PROX1: variants seen among roughly 807,000 people sequenced by gnomAD.
The protein encoded by PROX1 is prospero homeobox 1.
Under a neutral mutation model 58.8 loss-of-function variants are expected in PROX1, and 7 were observed. The ratio of observed to expected loss-of-function variants is 0.12; its 90% CI spans 0.07 to 0.22. The LOEUF is 0.22. PROX1 is among the 10% of genes least tolerant of loss of function. PROX1 has a pLI of 1.00. For missense variants in PROX1, 675 were observed against 927.8 expected (o/e 0.73, Z 3.54); for synonymous variants, 350 against 358.3 (o/e 0.98, Z 0.26).
At chr1:213,985,157 A>G (rs1662793947), upstream of PROX1, 1 of 152,224 alleles carries the variant, frequency 6.6e-6, no homozygotes, top group Non-Finnish European at 1.5e-5. Context: ...TTGTGTTGGA[A>G]GTGGGGCGGA....
At chr1:214,018,932 C>T (rs890003286) in intron 4 of PROX1, among the ~76,000 whole-genome samples, 1 of 152,160 alleles carries the variant, frequency 6.6e-6, no homozygotes, top group Non-Finnish European at 1.5e-5. Flanking sequence ...TCTTATGAAT[C>T]TTTCATGAGA....
chr1:214,028,522 A>G (rs1394108440), intron 4 of PROX1, among the ~76,000 whole-genome samples: 1 of 152,160 alleles, frequency 6.6e-6, no homozygotes, highest in African/African-American at 2.4e-5. Context: ...AACTCACCCA[A>G]GCGAACCTCC....
chr1:213,989,845 G>C (rs1426689624), intron 1 of PROX1: 1 of 152,340 alleles, frequency 6.6e-6, no homozygotes, highest in Non-Finnish European at 1.5e-5. Context: ...GAAATTGAGA[G>C]CCCTCCAGGC....
chr1:214,007,352 C>A (rs1663753085), intron 3 of PROX1, among the ~76,000 whole-genome samples: 1 of 152,212 alleles, frequency 6.6e-6, no homozygotes, highest in Admixed American at 6.5e-5. Flanking sequence ...TACCAATTAT[C>A]CACTGTAATG....
intron 2 of PROX1, among the ~76,000 whole-genome samples, chr1:213,999,980 T>C (rs1466014299): frequency 1.3e-5 from 2 of 152,174 alleles, no homozygotes; most frequent in East Asian, 3.9e-4. Context: ...CCCAGAGATC[T>C]CTTAACTTCA....
intron 4 of PROX1, among the ~76,000 whole-genome samples, chr1:214,022,937 G>T (rs1300060272): frequency 1.3e-5 from 2 of 152,146 alleles, no homozygotes; most frequent in East Asian, 3.9e-4. Flanking sequence ...TCCATGTGAG[G>T]CCCCTTCTAC....
intron 4 of PROX1, among the ~76,000 whole-genome samples, chr1:214,012,536 G>A (rs560473575): frequency 1.7e-3 from 252 of 152,294 alleles, no homozygotes; most frequent in Non-Finnish European, 2.9e-3. Context: ...ACAACGTGAT[G>A]ACTCTCTGTG....
intron 4 of PROX1, among the ~76,000 whole-genome samples, chr1:214,021,054 G>A (rs1020891692): frequency 5.9e-5 from 9 of 152,176 alleles, no homozygotes; most frequent in African/African-American, 4.8e-5. Flanking sequence ...CAGATCAGGC[G>A]GGTGGGCTCC....
chr1:213,998,197 C>T lies in PROX1; in HGVS notation c.1662C>T (p.Leu554=). 7 of 1,611,162 alleles carry T rather than the reference C, an allele frequency of 4.3e-6. No individual in the cohort carries two copies. The South Asian group carries it at 7.7e-5, about 18-fold the overall frequency. Residue 554 remains leucine, a synonymous_variant, in exon 2 of 5, where the codon CTC becomes CTT. Coordinates refer to ENST00000366958, the MANE Select transcript of PROX1 (RefSeq NM_001270616.2). The part of the protein sequence containing the change: ...PSTAEGLSLS[L]IKSECGDLQD... ...CCGCCGAAGGGCTCTCCTTGTCGCTCATAAAGTCCGAGTGCGGCGATCTTC... is the reference window on the plus strand; with the variant it reads ...CCGCCGAAGGGCTCTCCTTGTCGCTTATAAAGTCCGAGTGCGGCGATCTTC...
intron 4 of PROX1, among the ~76,000 whole-genome samples, chr1:214,018,262 T>G (rs1384995576): frequency 6.6e-6 from 1 of 152,270 alleles, no homozygotes; most frequent in African/African-American, 2.4e-5. Context: ...GAAATTTTAA[T>G]GACTATTCAC....
At chr1:214,008,626 T>A (rs1426626053) in intron 3 of PROX1, among the ~76,000 whole-genome samples, 1 of 152,158 alleles carries the variant, frequency 6.6e-6, no homozygotes, top group Non-Finnish European at 1.5e-5. Flanking sequence ...AGTGCTTAAC[T>A]CTCCACAAAT....
chr1:213,998,047 C>T lies in PROX1; in HGVS notation c.1512C>T (p.Phe504=). The change falls in exon 2 of 5, where the codon TTC becomes TTT. Residue 504 remains phenylalanine, a synonymous_variant. Transcript: ENST00000366958. The part of the protein sequence containing the change: ...QSPLGAPSGS[F]SGKDRASPES... ...CATTAGGTGCTCCCTCCGGCTCCTT[C>T]TCTGGAAAAGACAGAGCCTCTCCTG... 9 of 1,612,238 alleles carry T rather than the reference C, an allele frequency of 5.6e-6. No homozygotes were observed. Among genetic ancestry groups the T allele is most frequent in the Non-Finnish European group, 7.6e-6 (9 of 1,178,888 alleles).
At chr1:214,014,731 AAGG>A (rs1309950766) in intron 4 of PROX1, among the ~76,000 whole-genome samples, 1 of 152,170 alleles carries the variant, frequency 6.6e-6, no homozygotes, top group East Asian at 1.9e-4. Flanking sequence ...AGGGAGAGAG[AAGG>A]AGGTTTGACG....
At chr1:214,026,440 T>C (rs1308919218) in intron 4 of PROX1, among the ~76,000 whole-genome samples, 1 of 152,180 alleles carries the variant, frequency 6.6e-6, no homozygotes, top group East Asian at 1.9e-4. Context: ...TGGTTTTACT[T>C]ACCTTGATCT....
At chr1:214,034,234 C>CAGTT (rs1310592205) in intron 4 of PROX1, among the ~76,000 whole-genome samples, 2 of 152,110 alleles carry the variant, frequency 1.3e-5, no homozygotes, top group Non-Finnish European at 2.9e-5. Context: ...TTTTCTTTAC[C>CAGTT]AGTTACTACT....
Position 214,036,525 on chromosome 1 carries a change from T to G in PROX1, c.*691T>G, listed in dbSNP as rs888193898. The G allele has an allele frequency of 3.3e-5, 5 of 152,206 alleles. No homozygotes were observed. Among genetic ancestry groups the G allele is most frequent in the Non-Finnish European group, 7.3e-5 (5 of 68,038 alleles). 9.4% of individuals were successfully genotyped at this position (152,206 alleles called of 1,614,324 possible). ...AAGCAATTTTGCACAAAACCAGCTC[T>G]CTCAAGATGAGACTAGAAATTCATA... On this transcript the variant is annotated 3_prime_UTR_variant, in exon 5 of 5. Coordinates refer to ENST00000366958, the MANE Select transcript of PROX1 (RefSeq NM_001270616.2).
Position 214,039,152 on chromosome 1 carries a change from C to G in PROX1, c.*3318C>G, listed in dbSNP as rs1664924367. ...AAGTGGAAAGCTTACCTTTTCCTAT[C>G]TAGATTTAAGAACCTATTTTAGACA... is the stretch of plus-strand genomic sequence containing the variant. On this transcript the variant is annotated 3_prime_UTR_variant, in exon 5 of 5. Coordinates refer to ENST00000366958, the MANE Select transcript of PROX1 (RefSeq NM_001270616.2). 6.6e-6 allele frequency: 1 copy of G among 152,088 alleles called. No individual in the cohort carries two copies. Among genetic ancestry groups the G allele is most frequent in the South Asian group, 2.1e-4 (1 of 4,834 alleles). The allele number at this position is 152,088 out of a possible 1,614,324, so 9.4% of individuals were successfully genotyped here. A position where few individuals can be genotyped will look rare whatever the true frequency, so the allele number is the denominator to read the frequency against.
Position 213,989,999 on chromosome 1 carries a change from T to C in PROX1, c.-68+1516T>C, listed in dbSNP as rs570885384. On this transcript the variant is annotated intron_variant, in intron 1 of 4. Transcript: ENST00000366958. The stretch of plus-strand genomic sequence containing the variant: ...GGCTGGAAACTCACCTGCTTGTTTT[T>C]ATTTTTCCGAGAAGATCTGTGCTGT... Among the ~76,000 whole-genome samples the C allele has an allele frequency of 1.1e-4, 16 of 152,056 alleles. No homozygotes were observed. The South Asian group carries it at 3.1e-3, about 30-fold the overall frequency.
At chr1:214,005,313 C>G (rs1272163600) in intron 3 of PROX1, 41 bp downstream of exon 3, 2 of 1,477,176 alleles carry the variant, frequency 1.4e-6, no homozygotes, top group Admixed American at 3.5e-5. Context: ...ATTTTCTATG[C>G]ATGTGGCAGT....
Sources: gnomAD v4.1 joint callset for allele counts (sites outside exome capture counted in the v4.1 genomes callset) on GRCh38, gnomAD v4.1.1 for gene constraint, MANE v1.5 for transcripts, NCBI Gene and HGNC (gene_info 2026-07-23, HGNC 2026-07-21) for gene names.